The following CAPN8 variants were observed in gnomAD, a reference collection of about 807,000 sequenced individuals.
CAPN8 encodes the protein calpain 8.
Under a neutral mutation model 80.9 loss-of-function variants are expected in CAPN8, and 87 were observed. The observed-to-expected ratio is 1.07, with a 90% CI of 0.90 to 1.28. The LOEUF is 1.28. Ranked by LOEUF, CAPN8 falls within the 50% of genes most tolerant of loss-of-function variation. The probability of loss-of-function intolerance (pLI) is 0.00; values close to 1 mark genes in which losing one functional copy is unlikely to be tolerated. For synonymous variants in CAPN8, 299 were observed against 273.8 expected, an observed-to-expected ratio of 1.09 and a Z score of -0.91; for missense variants, 757 against 702.0, an observed-to-expected ratio of 1.08 and a Z score of -0.89.
intron 2 of CAPN8, chr1:223,642,787 C>G (rs1034524004): frequency 4.4e-6 from 2 of 456,224 alleles, no homozygotes; most frequent in South Asian, 3.1e-5. Context: ...AGAGTTCCTC[C>G]TAGTTGCTTC....
At chr1:223,545,122 A>C in intron 17 of CAPN8, 109 bp downstream of exon 17, 4 of 1,520,786 alleles carry the variant, frequency 2.6e-6, no homozygotes, top group Non-Finnish European at 2.7e-6. Context: ...CCCAGGACTC[A>C]ATAGTTTTGA....
At chr1:223,624,169 C>T (rs373340458) in intron 6 of CAPN8, among the ~76,000 whole-genome samples, 2 of 152,216 alleles carry the variant, frequency 1.3e-5, no homozygotes, top group Admixed American at 6.5e-5. Flanking sequence ...AGCGCCTGCC[C>T]GGGCTCAAGC....
At chr1:223,632,202 G>C (rs1310209778) in intron 2 of CAPN8, among the ~76,000 whole-genome samples, 1 of 152,190 alleles carries the variant, frequency 6.6e-6, no homozygotes, top group Non-Finnish European at 1.5e-5. Context: ...GTCACTGCAT[G>C]AAGTGTGAAT....
rs574748769 is a variant in CAPN8 at position 223,646,413 on chromosome 1, T to C, written c.307+7917A>G. 2.6e-5 allele frequency among the ~76,000 whole-genome samples: 4 copies of C among 152,312 alleles called. No individual in the cohort carries two copies. The South Asian group carries it at 8.3e-4, about 32-fold the overall frequency. On this transcript the variant is annotated intron_variant, in intron 2 of 20. Coordinates refer to ENST00000366872, the MANE Select transcript of CAPN8 (RefSeq NM_001143962.2). ...CAGTCCCAGATGCTGATGCCAGGGC[T>C]TCCAGTAAATGCCCAGAGCTGCCCT...
intron 18 of CAPN8, 163 bp from the exon 19 acceptor site, chr1:223,544,346 T>G (rs1656559542): frequency 6.6e-6 from 4 of 607,056 alleles, no homozygotes; most frequent in Admixed American, 2.8e-5. Context: ...GAAGGTGTCC[T>G]GCCATCCATC....
At chr1:223,628,217 C>A (rs923085628) in intron 3 of CAPN8, 75 bp from the exon 4 acceptor site, 1 of 1,443,336 alleles carries the variant, frequency 6.9e-7, no homozygotes. Flanking sequence ...GGGGACCTCA[C>A]GTGGGGACTC....
At chr1:223,650,869 T>A (rs149922418) in intron 2 of CAPN8, among the ~76,000 whole-genome samples, 528 of 152,238 alleles carry the variant, frequency 3.5e-3, no homozygotes, top group Non-Finnish European at 4.9e-3. Context: ...CAAAGTCTAT[T>A]TCAGTGGCCA....
chr1:223,648,053 G>T (rs896222450), intron 2 of CAPN8, among the ~76,000 whole-genome samples: 1 of 152,172 alleles, frequency 6.6e-6, no homozygotes, highest in Non-Finnish European at 1.5e-5. Flanking sequence ...GAAATAATGC[G>T]CAATATGCAA....
chr1:223,621,320 C>CCCT (rs1657384800), intron 7 of CAPN8, among the ~76,000 whole-genome samples: 1 of 151,460 alleles, frequency 6.6e-6, no homozygotes, highest in Non-Finnish European at 1.5e-5. Flanking sequence ...AGATTCGGCA[C>CCCT]CCTCCTCCTC....
rs1371838157 is a variant in CAPN8, at chr1:223,625,815, C to A, written c.803G>T (p.Gly268Val). ...LVKSHAYSVTGVEEVNFQGHP... is the reference protein window; with the variant it reads ...LVKSHAYSVTVVEEVNFQGHP... Reference sequence around the variant, plus strand: ...TCCACACAATTTTACCTCTTCGACTCCAGTGACAGAGTACGCATGACTCTT... The same window carrying A: ...TCCACACAATTTTACCTCTTCGACTACAGTGACAGAGTACGCATGACTCTT... Residue 268 changes from glycine to valine, a missense_variant, in exon 6 of 21, where the codon GGA becomes GTA. Physicochemically the swap from Gly to Val is moderately radical, Grantham distance 109 (BLOSUM62 -3). Coordinates refer to ENST00000366872, the MANE Select transcript of CAPN8 (RefSeq NM_001143962.2). The A allele has an allele frequency of 6.4e-7, 1 of 1,550,416 alleles. No homozygotes were observed. The highest frequency in any genetic ancestry group is 8.7e-7 in the Non-Finnish European group (1 of 1,145,808).
intron 15 of CAPN8, among the ~76,000 whole-genome samples, chr1:223,549,987 G>A (rs373657100): frequency 6.6e-6 from 1 of 152,184 alleles, no homozygotes; most frequent in Non-Finnish European, 1.5e-5. Context: ...GGAGTTAAAT[G>A]CAGGCCAGCC....
chr1:223,545,251 G>T lies in CAPN8; in HGVS notation c.1813C>A (p.Leu605Met). The T allele has an allele frequency of 6.4e-7, 1 of 1,551,680 alleles. No individual in the cohort carries two copies. Among genetic ancestry groups the T allele is most frequent in the Non-Finnish European group, 8.7e-7 (1 of 1,146,974 alleles). Reference sequence around the variant, plus strand: ...GTTACCAGATACTTCTGAATCTTCAGCCAGAGCGTCTTGAATTCCACCGCC... The same window carrying T: ...GTTACCAGATACTTCTGAATCTTCATCCAGAGCGTCTTGAATTCCACCGCC... Reference protein sequence around the residue: ...LGAVEFKTLWLKIQKYLEIYW... With the variant: ...LGAVEFKTLWMKIQKYLEIYW... The change falls in exon 17 of 21, where the codon CTG becomes ATG. Residue 605 changes from leucine (L) to methionine (M), a missense_variant. By Grantham distance (15) the Leu-to-Met change is conservative. Coordinates refer to ENST00000366872, the MANE Select transcript of CAPN8 (RefSeq NM_001143962.2).
intron 1 of CAPN8, among the ~76,000 whole-genome samples, chr1:223,656,351 C>T (rs1404087490): frequency 1.3e-5 from 2 of 151,966 alleles, no homozygotes; most frequent in Non-Finnish European, 2.9e-5. Flanking sequence ...CCCCCGTAAT[C>T]CCAGCTACTC....
intron 1 of CAPN8, among the ~76,000 whole-genome samples, chr1:223,663,259 T>G (rs1057020976): frequency 3.9e-5 from 6 of 152,196 alleles, no homozygotes; most frequent in African/African-American, 1.2e-4. Flanking sequence ...GTAAAGTCTC[T>G]AAGGATTTCA....
chr1:223,556,727 A>G (rs894766232), intron 13 of CAPN8, among the ~76,000 whole-genome samples: 2 of 152,192 alleles, frequency 1.3e-5, no homozygotes, highest in Non-Finnish European at 2.9e-5. Context: ...TAGGATCAGT[A>G]TAAGTTGATT....
intron 16 of CAPN8, 26 bp downstream of exon 16, chr1:223,549,292 A>T (rs1656717994): frequency 2.6e-6 from 4 of 1,544,384 alleles, no homozygotes; most frequent in Non-Finnish European, 3.5e-6. Flanking sequence ...TAAAAAAAAA[A>T]AAATAATGCA....
intron 10 of CAPN8, among the ~76,000 whole-genome samples, chr1:223,613,404 G>A (rs1360587778): frequency 1.3e-5 from 2 of 152,210 alleles, no homozygotes; most frequent in Admixed American, 6.5e-5. Context: ...CCCTTGGCAG[G>A]GGCTTGCCCA....
Position 223,665,306 on chromosome 1 carries a change from A to G in CAPN8, c.237+104T>C, listed in dbSNP as rs1558361572. 4 of 870,744 alleles carry G rather than the reference A, an allele frequency of 4.6e-6. No individual in the cohort carries two copies. In the Admixed American group the frequency reaches 1.1e-4, roughly 24 times the overall value. The allele number at this position is 870,744 out of a possible 1,614,324, so 53.9% of individuals were successfully genotyped here. A position where few individuals can be genotyped will look rare whatever the true frequency, so the allele number is the denominator to read the frequency against. ...TGGAGGGATCTGAAATATGAGATCC[A>G]GACACTTAGGGTCCACAGCCTCAAC... On this transcript the variant is annotated intron_variant, in intron 1 of 20. Transcript: ENST00000366872.
intron 2 of CAPN8, among the ~76,000 whole-genome samples, chr1:223,641,673 C>T (rs1658046482): frequency 6.6e-6 from 1 of 152,204 alleles, no homozygotes; most frequent in African/African-American, 2.4e-5. Flanking sequence ...CCTGTTTGCA[C>T]CAGTCCTACC....
Sources: gnomAD v4.1 joint callset for allele counts (sites outside exome capture counted in the v4.1 genomes callset) on GRCh38, gnomAD v4.1.1 for gene constraint, MANE v1.5 for transcripts, NCBI Gene and HGNC (gene_info 2026-07-23, HGNC 2026-07-21) for gene names.